The following LRMDA variants were observed in gnomAD, a reference collection of about 807,000 sequenced individuals.
The protein encoded by LRMDA is leucine-rich melanocyte differentiation-associated protein.
Under a neutral mutation model 29.8 loss-of-function variants are expected in LRMDA, and 18 were observed. The ratio of observed to expected loss-of-function variants is 0.60; its 90% confidence interval spans 0.42 to 0.90. The LOEUF (loss-of-function observed/expected upper bound fraction) is 0.90. Ranked by LOEUF, LRMDA falls within the 40% of genes least tolerant of loss-of-function variation. The pLI is 0.00. For synonymous variants in LRMDA, 125 were observed against 109.4 expected, an observed-to-expected ratio of 1.14 and a Z score of -0.89; for missense variants, 273 against 273.9, an observed-to-expected ratio of 1.00 and a Z score of 0.02.
chr10:75,996,796 C>G (rs10762687), intron 2 of LRMDA, among the ~76,000 whole-genome samples: 58,801 of 149,236 alleles, frequency 0.39, 13,036 homozygotes, highest in African/African-American at 0.59. Flanking sequence ...GCAGTGGCGT[C>G]ATCTTGGCTC....
chr10:76,545,530 A>G (rs1194286517), intron 6 of LRMDA, among the ~76,000 whole-genome samples: 1 of 151,982 alleles, frequency 6.6e-6, no homozygotes. Flanking sequence ...GATCTATTCT[A>G]CATATCCAAA....
chr10:76,165,366 G>C (rs1321106516), intron 5 of LRMDA, among the ~76,000 whole-genome samples: 14 of 152,084 alleles, frequency 9.2e-5, no homozygotes, highest in Admixed American at 9.2e-4. Context: ...TCTGCCTTTG[G>C]GTTCAAGCAA....
intron 5 of LRMDA, among the ~76,000 whole-genome samples, chr10:76,258,159 A>G (rs184034191): frequency 2.0e-5 from 3 of 152,332 alleles, no homozygotes; most frequent in South Asian, 2.1e-4. Context: ...TAGAGGTAAA[A>G]GAAATTTTTG....
chr10:75,975,429 G>C (rs1222723595), intron 2 of LRMDA, among the ~76,000 whole-genome samples: 1 of 152,220 alleles, frequency 6.6e-6, no homozygotes, highest in African/African-American at 2.4e-5. Flanking sequence ...CAGTGAATTG[G>C]ATAGAGGAAT....
intron 2 of LRMDA, among the ~76,000 whole-genome samples, chr10:75,561,414 T>C (rs889409663): frequency 4.6e-5 from 7 of 151,770 alleles, no homozygotes; most frequent in Non-Finnish European, 8.8e-5. Context: ...GTCTATTTGA[T>C]TCTTCTTTTT....
At position 76,122,693 on chromosome 10, in the gene LRMDA, T is replaced by C. The variant is rs575862165; in HGVS notation, c.516+63910T>C. On this transcript the variant is annotated intron_variant, in intron 5 of 6. Coordinates refer to ENST00000611255, the MANE Select transcript of LRMDA (RefSeq NM_001305581.2). Reference sequence around the variant, plus strand: ...TCTTACAATGCAAAGCCGGCCTCTTTCCCAGTTCATCCTCCTACTTACCTA... The same window carrying C: ...TCTTACAATGCAAAGCCGGCCTCTTCCCCAGTTCATCCTCCTACTTACCTA... Among the ~76,000 whole-genome samples the C allele has an allele frequency of 2.8e-4, 43 of 152,306 alleles. No homozygotes were observed. The South Asian group carries it at 3.7e-3, about 13-fold the overall frequency.
chr10:75,491,639 T>C (rs1459749994), intron 2 of LRMDA, among the ~76,000 whole-genome samples: 2 of 152,200 alleles, frequency 1.3e-5, no homozygotes, highest in African/African-American at 4.8e-5. Flanking sequence ...GTAGTCAGCA[T>C]TGTTTATAGA....
At chr10:75,482,574 G>A (rs757903430) in intron 2 of LRMDA, among the ~76,000 whole-genome samples, 1 of 152,074 alleles carries the variant, frequency 6.6e-6, no homozygotes, top group Non-Finnish European at 1.5e-5. Flanking sequence ...GTTACTGTGC[G>A]CGTATTTCCT....
chr10:76,057,556 T>C (rs1848637111), intron 4 of LRMDA, among the ~76,000 whole-genome samples: 1 of 152,196 alleles, frequency 6.6e-6, no homozygotes, highest in Admixed American at 6.5e-5. Context: ...TGTAAGGTGC[T>C]GATGGCATAT....
chr10:75,877,573 G>A (rs1845220052), intron 2 of LRMDA, among the ~76,000 whole-genome samples: 1 of 152,232 alleles, frequency 6.6e-6, no homozygotes, highest in African/African-American at 2.4e-5. Flanking sequence ...TAGAACATGA[G>A]TGAATGAAAT....
intron 2 of LRMDA, among the ~76,000 whole-genome samples, chr10:75,941,610 C>T (rs755316614): frequency 6.6e-6 from 1 of 152,084 alleles, no homozygotes; most frequent in Non-Finnish European, 1.5e-5. Context: ...GGCAGATCTG[C>T]GACTTGATTG....
At chr10:76,111,441 G>A (rs1294282876) in intron 5 of LRMDA, among the ~76,000 whole-genome samples, 2 of 152,222 alleles carry the variant, frequency 1.3e-5, no homozygotes, top group Admixed American at 6.5e-5. Context: ...GACCTGGGTC[G>A]AGCAAGCCAC....
chr10:75,635,849 G>C (rs1338521536), intron 2 of LRMDA, among the ~76,000 whole-genome samples: 1 of 151,816 alleles, frequency 6.6e-6, no homozygotes, highest in Admixed American at 6.6e-5. Flanking sequence ...GAAACCCATG[G>C]GTTGTGGTTG....
chr10:75,744,010 C>A (rs759270983), intron 2 of LRMDA, among the ~76,000 whole-genome samples: 1 of 152,138 alleles, frequency 6.6e-6, no homozygotes, highest in Non-Finnish European at 1.5e-5. Flanking sequence ...AAAGTTGAAC[C>A]ACTAGGGTGT....
chr10:76,308,055 T>C (rs1474939428), intron 5 of LRMDA, among the ~76,000 whole-genome samples: 1 of 152,192 alleles, frequency 6.6e-6, no homozygotes, highest in Non-Finnish European at 1.5e-5. Flanking sequence ...TAATTGTGTG[T>C]GACTTAAATT....
rs534776112 is a variant in LRMDA, at chr10:75,878,814, C to T, written c.132-157194C>T. Among the ~76,000 whole-genome samples the T allele has an allele frequency of 1.1e-4, 16 of 152,190 alleles. No homozygotes were observed. The South Asian group carries it at 3.3e-3, about 32-fold the overall frequency. On this transcript the variant is annotated intron_variant, in intron 2 of 6. Coordinates refer to ENST00000611255, the MANE Select transcript of LRMDA (RefSeq NM_001305581.2). ...GCTGGCTTCCAGGGCCCCAGGTGTT[C>T]TCCTGCTGACTTGACCAGCCACCTC...
chr10:75,502,783 C>T (rs535690255), intron 2 of LRMDA, among the ~76,000 whole-genome samples: 5 of 152,228 alleles, frequency 3.3e-5, no homozygotes, highest in Admixed American at 1.3e-4. Flanking sequence ...TTGGGGTACA[C>T]GTGCAGGTTT....
chr10:75,974,658 A>G lies in LRMDA; in HGVS notation c.132-61350A>G, dbSNP rs550595576. Among the ~76,000 whole-genome samples, 10 of 152,266 alleles carry G rather than the reference A, an allele frequency of 6.6e-5. 1 individual carries two copies. In the South Asian group the frequency reaches 2.1e-3, roughly 32 times the overall value. On this transcript the variant is annotated intron_variant, in intron 2 of 6. Transcript: ENST00000611255. Reference sequence around the variant, plus strand: ...TTTTTCCTCATTTTGCCAATGAGGAAACTGAGTTGTAGAAAGGTTAAGTTA... The same window carrying G: ...TTTTTCCTCATTTTGCCAATGAGGAGACTGAGTTGTAGAAAGGTTAAGTTA...
chr10:75,794,861 T>C (rs1294010116), intron 2 of LRMDA, among the ~76,000 whole-genome samples: 1 of 152,202 alleles, frequency 6.6e-6, no homozygotes, highest in East Asian at 1.9e-4. Flanking sequence ...AAATTTTTCT[T>C]CCAGTTTTTG....
Sources: gnomAD v4.1 joint callset for allele counts (sites outside exome capture counted in the v4.1 genomes callset) on GRCh38, gnomAD v4.1.1 for gene constraint, MANE v1.5 for transcripts, NCBI Gene and HGNC (gene_info 2026-07-23, HGNC 2026-07-21) for gene names.